The following C1GALT1 variants were observed in gnomAD, a reference collection of about 807,000 sequenced individuals.
C1GALT1 encodes glycoprotein-N-acetylgalactosamine 3-beta-galactosyltransferase 1.
C1GALT1 carries 11 observed loss-of-function variants against 31.0 expected under a neutral mutation model. That is an observed-to-expected ratio of 0.36 (90% CI 0.22 to 0.59). The LOEUF is 0.59. Ranked by LOEUF, C1GALT1 falls within the 20% of genes least tolerant of loss-of-function variation. The pLI, the probability that C1GALT1 is intolerant of heterozygous loss-of-function variation, is 0.79. For missense variants in C1GALT1, 424 were observed against 425.2 expected, an observed-to-expected ratio of 1.00 and a Z score of 0.03; for synonymous variants, 175 against 143.6, an observed-to-expected ratio of 1.22 and a Z score of -1.56.
chr7:7,165,370 C>T (rs1222307861), intron 2 of C1GALT1, among the ~76,000 whole-genome samples: 4 of 152,134 alleles, frequency 2.6e-5, no homozygotes, highest in African/African-American at 2.4e-5. Flanking sequence ...CATAATTATA[C>T]CCATTTAATT....
chr7:7,200,747 G>C (rs1189826750), intron 1 of C1GALT1, among the ~76,000 whole-genome samples: 4 of 152,012 alleles, frequency 2.6e-5, no homozygotes, highest in African/African-American at 9.7e-5. Flanking sequence ...TCATTCATTT[G>C]ATCTTCAATC....
chr7:7,236,484 G>A (rs1411430128), intron 2 of C1GALT1, among the ~76,000 whole-genome samples: 2 of 152,054 alleles, frequency 1.3e-5, no homozygotes, highest in African/African-American at 4.8e-5. Flanking sequence ...TGTCCTTTTG[G>A]ATTGTGAATC....
At chr7:7,177,624 A>C (rs1200816038), upstream of C1GALT1, among the ~76,000 whole-genome samples, 1 of 152,210 alleles carries the variant, frequency 6.6e-6, no homozygotes, top group Non-Finnish European at 1.5e-5. Context: ...CTGACATATA[A>C]GCTACCATTC....
chr7:7,206,763 T>G (rs899083918), intron 1 of C1GALT1, among the ~76,000 whole-genome samples: 8 of 151,960 alleles, frequency 5.3e-5, no homozygotes, highest in Non-Finnish European at 8.8e-5. Context: ...GCATTTTTTT[T>G]TTTGTTTTAT....
chr7:7,215,187 G>A lies in C1GALT1; in HGVS notation c.-17-19116G>A, dbSNP rs73335377. Among the ~76,000 whole-genome samples the A allele has an allele frequency of 8.5e-3, 1,291 of 152,270 alleles. 23 individuals carry two copies. The highest frequency in any genetic ancestry group is 0.03 in the African/African-American group (1,248 of 41,536). On this transcript the variant is annotated intron_variant, in intron 1 of 3. Transcript: ENST00000436587. The stretch of plus-strand genomic sequence containing the variant: ...AAGTTTGCCACCGACTGCTTTGCTG[G>A]GCTGGCTTGAACAGCAGGCTTACGG...
At chr7:7,216,571 A>G (rs1047213012) in intron 1 of C1GALT1, among the ~76,000 whole-genome samples, 2 of 152,016 alleles carry the variant, frequency 1.3e-5, no homozygotes, top group Non-Finnish European at 2.9e-5. Flanking sequence ...AATGTGCTAT[A>G]GATTGCCTGC....
Position 7,192,142 on chromosome 7 carries a change from T to C in C1GALT1, c.-18+9322T>C, listed in dbSNP as rs1781101976. On this transcript the variant is annotated intron_variant, in intron 1 of 3. Transcript: ENST00000436587. Reference sequence around the variant, plus strand: ...TGATCCATTTTGAGTTACTTTTTCTTCTTTTTTTTTTATTTCAATAGGCTT... The same window carrying C: ...TGATCCATTTTGAGTTACTTTTTCTCCTTTTTTTTTTATTTCAATAGGCTT... Among the ~76,000 whole-genome samples the C allele has an allele frequency of 1.3e-5, 2 of 151,016 alleles. 1 individual carries two copies. The highest frequency in any genetic ancestry group is 4.2e-4 in the South Asian group (2 of 4,808).
At chr7:7,215,671 T>G (rs954328899) in intron 1 of C1GALT1, among the ~76,000 whole-genome samples, 1 of 152,048 alleles carries the variant, frequency 6.6e-6, no homozygotes, top group African/African-American at 2.4e-5. Context: ...CTCTATTTCT[T>G]TGCCTTCCCT....
intron 1 of C1GALT1, among the ~76,000 whole-genome samples, chr7:7,197,870 A>G (rs543707023): frequency 6.6e-6 from 1 of 152,258 alleles, no homozygotes; most frequent in South Asian, 2.1e-4. Flanking sequence ...AATGCTTGTG[A>G]TTTTTGCACA....
intron 2 of C1GALT1, among the ~76,000 whole-genome samples, chr7:7,175,062 G>A (rs777767793): frequency 1.3e-5 from 2 of 152,102 alleles, no homozygotes; most frequent in African/African-American, 4.8e-5. Context: ...TTGAAAAGTG[G>A]ACATTTGGCT....
At chr7:7,234,277 C>T in intron 1 of C1GALT1, 26 bp from the exon 2 acceptor site, 2 of 1,540,598 alleles carry the variant, frequency 1.3e-6, no homozygotes, top group Non-Finnish European at 1.8e-6. Flanking sequence ...GATTTTATAA[C>T]ATCCTGCTAA....
Position 7,248,211 on chromosome 7 carries a change from G to A in C1GALT1, c.*4484G>A, listed in dbSNP as rs1177991495. 1 of 151,846 alleles carries A rather than the reference G, an allele frequency of 6.6e-6. No individual in the cohort carries two copies. Among genetic ancestry groups the A allele is most frequent in the Non-Finnish European group, 1.5e-5 (1 of 67,828 alleles). 9.4% of individuals were successfully genotyped at this position (151,846 alleles called of 1,614,324 possible). ...AAAACTTTAATACAGGCTAGAATAA[G>A]GAATTTTACAAATTCTCTTTAGAGC... On this transcript the variant is annotated 3_prime_UTR_variant, in exon 4 of 4. Coordinates refer to ENST00000436587, the MANE Select transcript of C1GALT1 (RefSeq NM_020156.5).
chr7:7,200,845 A>C (rs887105558), intron 1 of C1GALT1, among the ~76,000 whole-genome samples: 1 of 152,216 alleles, frequency 6.6e-6, no homozygotes, highest in African/African-American at 2.4e-5. Context: ...TTTCAGCTCC[A>C]TCAAGTCATT....
At chr7:7,208,278 A>T (rs1378263167) in intron 1 of C1GALT1, among the ~76,000 whole-genome samples, 15 of 152,192 alleles carry the variant, frequency 9.9e-5, no homozygotes, top group Non-Finnish European at 1.5e-5. Flanking sequence ...AAGAATAGTG[A>T]TGATGGCATA....
chr7:7,196,026 TTTGTTGTTG>T (rs55905652), intron 1 of C1GALT1, among the ~76,000 whole-genome samples: 30 of 151,604 alleles, frequency 2.0e-4, no homozygotes, highest in African/African-American at 6.6e-4. Context: ...TGGAATATCT[TTTGTTGTTG>T]TTGTTGTTGT....
At chr7:7,163,254 A>T (rs757393537) in intron 2 of C1GALT1, among the ~76,000 whole-genome samples, 4 of 152,164 alleles carry the variant, frequency 2.6e-5, no homozygotes, top group Admixed American at 6.5e-5. Flanking sequence ...TTTAGGTCTA[A>T]CGTTTAAGTC....
intron 1 of C1GALT1, among the ~76,000 whole-genome samples, chr7:7,196,535 T>A (rs964293479): frequency 1.3e-5 from 2 of 152,210 alleles, no homozygotes; most frequent in Non-Finnish European, 2.9e-5. Flanking sequence ...CATGTGCATG[T>A]GTCTTTATAG....
chr7:7,195,146 TG>T (rs555228610), intron 1 of C1GALT1, among the ~76,000 whole-genome samples: 1 of 152,210 alleles, frequency 6.6e-6, no homozygotes, highest in South Asian at 2.1e-4. Flanking sequence ...TTGTGTTTTT[TG>T]TTTGTTTCTT....
At chr7:7,211,300 C>A (rs1232061496) in intron 1 of C1GALT1, among the ~76,000 whole-genome samples, 1 of 152,096 alleles carries the variant, frequency 6.6e-6, no homozygotes, top group African/African-American at 2.4e-5. Context: ...TTTGTAGCCA[C>A]CCGGGGCTGA....
Sources: allele counts gnomAD v4.1 joint callset (sites outside exome capture counted in the v4.1 genomes callset), GRCh38; gene constraint gnomAD v4.1.1; transcripts MANE v1.5; gene names NCBI Gene and HGNC (gene_info 2026-07-23, HGNC 2026-07-21).